Variants in BICDL1 observed in about 807,000 individuals in gnomAD.
The protein encoded by BICDL1 is BICD family like cargo adaptor 1.
BICDL1 carries 20 observed loss-of-function variants against 76.8 expected under a neutral mutation model. The observed-to-expected ratio is 0.26, with a 90% CI of 0.18 to 0.38. The LOEUF (loss-of-function observed/expected upper bound fraction) is 0.38, where lower values mean the gene tolerates loss of function less well. BICDL1 is among the 10% of genes least tolerant of loss of function. The pLI, the probability that BICDL1 is intolerant of heterozygous loss-of-function variation, is 1.00. For synonymous variants in BICDL1, 383 were observed against 337.1 expected (o/e 1.14, Z -1.49); for missense variants, 700 against 798.6 (o/e 0.88, Z 1.49).
Position 120,072,573 on chromosome 12 carries a change from C to T in BICDL1, c.1152C>T (p.Gly384=), listed in dbSNP as rs548814183. The T allele has an allele frequency of 6.2e-7, 1 of 1,614,210 alleles. No homozygotes were observed. The highest frequency in any genetic ancestry group is 1.7e-5 in the Admixed American group (1 of 60,020). ...GCTATCTGTGCTCACACCTTCGAGGCAATGACAGTGCTGACTCAGCCGTCT... is the reference window on the plus strand; with the variant it reads ...GCTATCTGTGCTCACACCTTCGAGGTAATGACAGTGCTGACTCAGCCGTCT... ...QVRYLCSHLR[G]NDSADSAVST... is the part of the protein sequence containing the mutation. The change falls in exon 6 of 10, where the codon GGC becomes GGT. Residue 384 remains glycine (G), a synonymous_variant. Transcript: ENST00000548673.
chr12:120,044,396 C>T (rs918529129), intron 2 of BICDL1, among the ~76,000 whole-genome samples: 3 of 152,096 alleles, frequency 2.0e-5, no homozygotes, highest in African/African-American at 7.2e-5. Context: ...TGAGAGAATC[C>T]TGAATGTGTC....
At position 119,989,838 on chromosome 12, in the gene BICDL1, C is replaced by T. The variant is rs1162927562; in HGVS notation, c.-31C>T. On this transcript the variant is annotated 5_prime_UTR_variant, in exon 1 of 10. Coordinates refer to ENST00000548673, the MANE Select transcript of BICDL1 (RefSeq NM_001367886.1). ...GCAGCCTGGCGCGCGCGGGCCGGGC[C>T]GCACCGCTGCGGGCTCCGCGCGCGC... The T allele has an allele frequency of 3.2e-6, 4 of 1,255,068 alleles. No homozygotes were observed. Among genetic ancestry groups the T allele is most frequent in the South Asian group, 5.0e-5 (2 of 39,754 alleles). 77.7% of individuals were successfully genotyped at this position (1,255,068 alleles called of 1,614,324 possible).
chr12:120,080,910 G>T lies in BICDL1; in HGVS notation c.1476G>T (p.Met492Ile), dbSNP rs748797229. 1.2e-6 allele frequency: 2 copies of T among 1,613,616 alleles called. No homozygotes were observed. Among genetic ancestry groups the T allele is most frequent in the Non-Finnish European group, 1.7e-6 (2 of 1,179,820 alleles). The change falls in exon 8 of 10, where the codon ATG becomes ATT. Residue 492 changes from methionine to isoleucine, a missense_variant. Met to Ile is a conservative substitution (Grantham distance 10). This residue lies in a region of BICDL1 where 455 missense variants were observed against 548.7 expected (regional missense o/e 0.83). Coordinates refer to ENST00000548673, the MANE Select transcript of BICDL1 (RefSeq NM_001367886.1). ...HSQVTLLSVE[M>I]TALKEERDRL... is the part of the protein sequence containing the mutation. Reference sequence around the variant, plus strand: ...AGGTGACACTGCTGAGTGTGGAGATGACTGCCCTAAAAGAGGAGAGAGACC... The same window carrying T: ...AGGTGACACTGCTGAGTGTGGAGATTACTGCCCTAAAAGAGGAGAGAGACC...
intron 5 of BICDL1, among the ~76,000 whole-genome samples, chr12:120,072,182 C>A (rs181710111): frequency 6.6e-6 from 1 of 152,300 alleles, no homozygotes; most frequent in Admixed American, 6.5e-5. Flanking sequence ...TCTTTTCACA[C>A]TTTTCATAAT....
chr12:120,031,704 A>G (rs1952427427), intron 2 of BICDL1, among the ~76,000 whole-genome samples: 1 of 152,218 alleles, frequency 6.6e-6, no homozygotes, highest in Non-Finnish European at 1.5e-5. Flanking sequence ...ATCAAAAAAC[A>G]AAATCAAGAC....
At chr12:120,091,513 A>G (rs895293081) in intron 9 of BICDL1, 8 of 984,038 alleles carry the variant, frequency 8.1e-6, no homozygotes, top group Non-Finnish European at 8.4e-6. Context: ...AGACCCTTAT[A>G]AGGAGGGACC....
rs554194380 is a variant in BICDL1, at chr12:120,062,089, A to G, written c.762+263A>G. Among the ~76,000 whole-genome samples, 23 of 152,224 alleles carry G rather than the reference A, an allele frequency of 1.5e-4. No individual in the cohort carries two copies. The East Asian group carries it at 3.9e-3, about 26-fold the overall frequency. On this transcript the variant is annotated intron_variant, in intron 3 of 9. Transcript: ENST00000548673. Reference sequence around the variant, plus strand: ...GATCTCTCCAAAAATATCCTTGCCAATCCCAAACAGGAGGTGGGAAAGGGC... The same window carrying G: ...GATCTCTCCAAAAATATCCTTGCCAGTCCCAAACAGGAGGTGGGAAAGGGC...
intron 2 of BICDL1, among the ~76,000 whole-genome samples, chr12:120,050,796 C>T (rs557644708): frequency 2.0e-5 from 3 of 151,962 alleles, no homozygotes; most frequent in East Asian, 1.9e-4. Context: ...TTGTGTGCCA[C>T]GCACAGCTAA....
chr12:120,071,654 G>A lies in BICDL1; in HGVS notation c.942G>A (p.Val314=), dbSNP rs762946603. ...LHQSQLELQE[V]RLSCRQLQVK... ...AAAGCCAGCTGGAGCTTCAGGAGGT[G>A]CGTCTCTCCTGCCGACAGCTGCAGG... Residue 314 remains valine (V), a synonymous_variant, in exon 5 of 10, where the codon GTG becomes GTA. Coordinates refer to ENST00000548673, the MANE Select transcript of BICDL1 (RefSeq NM_001367886.1). The surrounding 1 kb of genome is among the most constrained non-coding windows in gnomAD (Gnocchi z 4.8). 4.3e-6 allele frequency: 7 copies of A among 1,611,176 alleles called. No homozygotes were observed. The highest frequency in any genetic ancestry group is 5.9e-6 in the Non-Finnish European group (7 of 1,179,132).
intron 1 of BICDL1, among the ~76,000 whole-genome samples, chr12:119,990,844 A>G (rs1951506255): frequency 6.6e-6 from 1 of 152,252 alleles, no homozygotes; most frequent in Admixed American, 6.5e-5. Context: ...TGCAGAAATC[A>G]GGCGAGCCAG....
chr12:119,990,460 G>C (rs1951495886), intron 1 of BICDL1, among the ~76,000 whole-genome samples, 163 bp downstream of exon 1: 1 of 152,178 alleles, frequency 6.6e-6, no homozygotes, highest in Non-Finnish European at 1.5e-5. Flanking sequence ...ATCAGATTTC[G>C]TTGAACCCAC....
intron 9 of BICDL1, chr12:120,092,669 C>T: frequency 2.0e-6 from 2 of 985,420 alleles, no homozygotes; most frequent in Non-Finnish European, 2.4e-6. Flanking sequence ...AGCCGTGAGG[C>T]CTGGTCAGAG....
chr12:120,037,956 G>C (rs1383822408), intron 2 of BICDL1, among the ~76,000 whole-genome samples: 4 of 152,158 alleles, frequency 2.6e-5, no homozygotes, highest in Non-Finnish European at 4.4e-5. Context: ...CTATCCTAGA[G>C]AAACAAGAAA....
intron 9 of BICDL1, chr12:120,090,688 A>G (rs971181584): frequency 8.2e-6 from 3 of 364,588 alleles, no homozygotes; most frequent in Non-Finnish European, 1.6e-5. Flanking sequence ...CTCCCCAAGA[A>G]TTCTCATCCA....
intron 2 of BICDL1, among the ~76,000 whole-genome samples, chr12:120,060,784 C>T (rs1953087626): frequency 6.6e-6 from 1 of 152,088 alleles, no homozygotes; most frequent in South Asian, 2.1e-4. Context: ...AACATGTAAC[C>T]ATTACTGTGA....
intron 1 of BICDL1, among the ~76,000 whole-genome samples, chr12:119,994,058 T>A (rs1046386619): frequency 6.6e-6 from 1 of 152,242 alleles, no homozygotes; most frequent in African/African-American, 2.4e-5. Context: ...TTTATACACC[T>A]TTTTTCTTCA....
intron 7 of BICDL1, among the ~76,000 whole-genome samples, chr12:120,077,836 G>C (rs550523151): frequency 6.8e-5 from 9 of 131,528 alleles, no homozygotes; most frequent in African/African-American, 2.2e-4. Context: ...TCTTCCTGAA[G>C]CGTGACTTGA....
chr12:120,061,686 C>T (rs1299428047), intron 2 of BICDL1, 24 bp from the exon 3 acceptor site: 1 of 1,504,186 alleles, frequency 6.6e-7, no homozygotes, highest in East Asian at 2.3e-5. Context: ...TCCGAATCAG[C>T]TCTGCAGGTC....
chr12:120,005,438 A>G (rs1285358474), intron 2 of BICDL1, among the ~76,000 whole-genome samples: 1 of 152,140 alleles, frequency 6.6e-6, no homozygotes, highest in Non-Finnish European at 1.5e-5. Context: ...TAGTGGCACA[A>G]TCTCGGCACA....
Sources: allele counts gnomAD v4.1 joint callset (sites outside exome capture counted in the v4.1 genomes callset), GRCh38; gene constraint gnomAD v4.1.1; regional missense constraint gnomAD v4.1.1; non-coding constraint Gnocchi (gnomAD v3.1); transcripts MANE v1.5; gene names NCBI Gene and HGNC (gene_info 2026-07-23, HGNC 2026-07-21).